Variants in PCNX3 observed in about 807,000 individuals in gnomAD.
PCNX3 encodes pecanex-like protein 3.
PCNX3 carries 58 observed loss-of-function variants against 207.2 expected under a neutral mutation model. The observed-to-expected ratio is 0.28, with a 90% confidence interval of 0.23 to 0.35. PCNX3 has a LOEUF of 0.35. Among genes scored for constraint, PCNX3 ranks in the 10% least tolerant of loss-of-function variants. The pLI, the probability that PCNX3 is intolerant of heterozygous loss-of-function variation, is 1.00. For missense variants in PCNX3, 2,410 were observed against 2,774.4 expected (o/e 0.87, Z 2.95); for synonymous variants, 1,337 against 1,183.5 (o/e 1.13, Z -2.66).
At position 65,624,280 on chromosome 11, in the gene PCNX3, C is replaced by T. The variant is rs1004254166; in HGVS notation, c.2630C>T (p.Ser877Leu). Residue 877 changes from serine to leucine, a missense_variant, in exon 14 of 35, where the codon TCA becomes TTA. This residue lies in a region of PCNX3 where 177 missense variants were observed against 257.5 expected (regional missense o/e 0.69). Coordinates refer to ENST00000355703, the MANE Select transcript of PCNX3 (RefSeq NM_032223.4). ...ATCTGGCTGCTGGACGCCCTGGGCT[C>T]AGCTCAGCCCTTCCCACCTGTCTCC... ...LLIWLLDALG[S>L]AQPFPPVSLY... 1.3e-6 allele frequency: 2 copies of T among 1,594,962 alleles called. No homozygotes were observed. The highest frequency in any genetic ancestry group is 1.7e-6 in the Non-Finnish European group (2 of 1,170,454).
chr11:65,632,618 C>G (rs950747843), intron 27 of PCNX3, among the ~76,000 whole-genome samples: 4 of 138,508 alleles, frequency 2.9e-5, no homozygotes, highest in African/African-American at 8.0e-5. Context: ...GGTATTGCCC[C>G]CCGTCTTCAT....
Position 65,620,855 on chromosome 11 carries a change from C to T in PCNX3, c.2124C>T (p.Ser708=), listed in dbSNP as rs375543649. Residue 708 remains serine (S), a synonymous_variant, in exon 10 of 35, where the codon AGC becomes AGT. Coordinates refer to ENST00000355703, the MANE Select transcript of PCNX3 (RefSeq NM_032223.4). ...GAWDRHSHSS[S]FHSADVPEAT... is the part of the protein sequence containing the mutation. ...GGGACCGACACTCGCATTCCTCCAG[C>T]TTCCACTCGGCTGATGTCCCTGAGG... The T allele has an allele frequency of 5.0e-6, 8 of 1,592,456 alleles. No homozygotes were observed. The highest frequency in any genetic ancestry group is 1.3e-5 in the African/African-American group (1 of 74,282).
At chr11:65,634,758 G>T in intron 29 of PCNX3, 117 bp downstream of exon 29, 1 of 1,196,794 alleles carries the variant, frequency 8.4e-7, no homozygotes, top group Non-Finnish European at 1.2e-6. Context: ...CTTCCTGTTG[G>T]GGTACCTCTT....
chr11:65,625,810 C>T lies in PCNX3; in HGVS notation c.3228+66C>T, dbSNP rs1590888206. 21 of 1,595,458 alleles carry T rather than the reference C, an allele frequency of 1.3e-5. No homozygotes were observed. The highest frequency in any genetic ancestry group is 1.1e-4 in the East Asian group (5 of 44,558). ...GCGGGAGCCTGCTCAATCTGAGTGC[C>T]GTGGGCAGCCCCTCCCCGGCCTGTG... On this transcript the variant is annotated intron_variant, in intron 19 of 34. Coordinates refer to ENST00000355703, the MANE Select transcript of PCNX3 (RefSeq NM_032223.4). The surrounding 1 kb of genome is among the most constrained non-coding windows in gnomAD (Gnocchi z 5.6).
In PCNX3 at chr11:65,622,261, A is replaced by G. The variant is rs1855146995; in HGVS notation, c.2252A>G (p.Glu751Gly). 6.2e-7 allele frequency: 1 copy of G among 1,603,578 alleles called. No individual in the cohort carries two copies. Among genetic ancestry groups the G allele is most frequent in the Non-Finnish European group, 8.5e-7 (1 of 1,175,592 alleles). Residue 751 changes from glutamate to glycine, a missense_variant, in exon 11 of 35, where the codon GAA becomes GGA. Transcript: ENST00000355703. ...LEIPEEQTLM[E>G]EAPPRAQHSY... ...GAATCCCAGGAGCAGACACTGATGGAAGAAGCGCCACCCCGGGCCCAGCAT... is the reference window on the plus strand; with the variant it reads ...GAATCCCAGGAGCAGACACTGATGGGAGAAGCGCCACCCCGGGCCCAGCAT...
chr11:65,627,647 G>A lies in PCNX3; in HGVS notation c.3702+65G>A, dbSNP rs1225751525. The A allele has an allele frequency of 3.2e-6, 5 of 1,558,244 alleles. No homozygotes were observed. In the East Asian group the frequency reaches 6.7e-5, roughly 21 times the overall value. ...TGGGAGCAGAGCCAACTTCTGCCTG[G>A]GTGGGAAGAGAATTTCCTGAGGGCC... On this transcript the variant is annotated intron_variant, in intron 22 of 34. Transcript: ENST00000355703.
chr11:65,629,215 C>T (rs1855521861), intron 24 of PCNX3, 142 bp from the exon 25 acceptor site: 1 of 985,666 alleles, frequency 1.0e-6, no homozygotes, highest in Non-Finnish European at 1.5e-6. Flanking sequence ...CCTTCATGTA[C>T]CTGAGCCTCA....
rs867602607 is a variant in PCNX3 at position 65,636,856 on chromosome 11, C to T, written c.5983C>T (p.Pro1995Ser). 3 of 1,551,248 alleles carry T rather than the reference C, an allele frequency of 1.9e-6. No individual in the cohort carries two copies. In the African/African-American group the frequency reaches 4.1e-5, roughly 21 times the overall value. The change falls in exon 35 of 35, where the codon CCT becomes TCT. Residue 1995 changes from proline to serine, a missense_variant. Coordinates refer to ENST00000355703, the MANE Select transcript of PCNX3 (RefSeq NM_032223.4). ...ASPPRASQDI[P>S]CLDSSAPESG... ...ACCCCCCAGAGCTTCCCAGGACATT[C>T]CTTGCTTGGACAGCAGTGCCCCTGA...
chr11:65,634,094 C>A, intron 27 of PCNX3, 32 bp from the exon 28 acceptor site: 1 of 1,582,160 alleles, frequency 6.3e-7, no homozygotes, highest in Non-Finnish European at 8.6e-7. Context: ...AGGGCCGGGA[C>A]CCCGGCCTGA....
In PCNX3 at chr11:65,636,232, T is replaced by G. The variant is rs1305828612; in HGVS notation, c.5518T>G (p.Cys1840Gly). The change falls in exon 33 of 35, where the codon TGT (cysteine) becomes GGT (glycine). Residue 1840 changes from cysteine (C) to glycine (G), a missense_variant. By Grantham distance (159) the Cys-to-Gly change is radical. Coordinates refer to ENST00000355703, the MANE Select transcript of PCNX3 (RefSeq NM_032223.4). ...NSGGNVDDSD[C>G]SGGGGLTSLS... ...TGGCGGGAACGTGGATGATTCAGAC[T>G]GTAGTGGGGGCGGTGGCCTGACCTC... 6.3e-7 allele frequency: 1 copy of G among 1,583,190 alleles called. No homozygotes were observed. Among genetic ancestry groups the G allele is most frequent in the African/African-American group, 1.3e-5 (1 of 74,112 alleles).
rs1359533811 is a variant in PCNX3 at position 65,625,344 on chromosome 11, C to CCCGT, written c.3030-60_3030-57dup. 2 of 1,592,052 alleles carry CCCGT rather than the reference C, an allele frequency of 1.3e-6. No individual in the cohort carries two copies. Among genetic ancestry groups the CCCGT allele is most frequent in the African/African-American group, 2.7e-5 (2 of 74,756 alleles). ...TAGGGGTTTGTGGTCTGTGCATGTG[C>CCCGT]CCGTGACTGGGGCCGGGGGGAAGGA... is the stretch of plus-strand genomic sequence containing the variant. On this transcript the variant is annotated intron_variant, in intron 17 of 34. Coordinates refer to ENST00000355703, the MANE Select transcript of PCNX3 (RefSeq NM_032223.4). The surrounding 1 kb of genome is among the most constrained non-coding windows in gnomAD (Gnocchi z 5.6).
intron 27 of PCNX3, among the ~76,000 whole-genome samples, chr11:65,630,810 G>A (rs1426394040): frequency 6.6e-6 from 1 of 152,220 alleles, no homozygotes; most frequent in African/African-American, 2.4e-5. Flanking sequence ...TCTGATAGGT[G>A]CCCAGGCAAG....
At chr11:65,616,521 G>C (rs868289592) in intron 1 of PCNX3, 57 bp downstream of exon 1, 1 of 1,543,238 alleles carries the variant, frequency 6.5e-7, no homozygotes. Flanking sequence ...AGCCTGGCAG[G>C]GATTCAGGGC....
rs781741314 is a variant in PCNX3, at chr11:65,623,526, G to C, written c.2393G>C (p.Gly798Ala). Residue 798 changes from glycine to alanine, a missense_variant, in exon 12 of 35, where the codon GGC becomes GCC. Physicochemically the swap from Gly to Ala is moderately conservative, Grantham distance 60. Around this residue, in one of 8 missense-constraint regions of PCNX3, gnomAD observed 177 missense variants for 257.5 expected, o/e 0.69. Coordinates refer to ENST00000355703, the MANE Select transcript of PCNX3 (RefSeq NM_032223.4). ...GTGCTGGAGAACATCTTCGGCGTGG[G>C]CCTGAGCAGCCTTGTGGCCTTCCTG... ...RGVLENIFGV[G>A]LSSLVAFLGY... The C allele has an allele frequency of 6.2e-7, 1 of 1,613,560 alleles. No individual in the cohort carries two copies. The highest frequency in any genetic ancestry group is 1.1e-5 in the South Asian group (1 of 91,062).
intron 13 of PCNX3, 85 bp from the exon 14 acceptor site, chr11:65,624,110 C>T: frequency 6.4e-7 from 1 of 1,565,888 alleles, no homozygotes; most frequent in Non-Finnish European, 8.6e-7. Flanking sequence ...GGACCCAGGG[C>T]CAGGCCTGGG....
intron 22 of PCNX3, 43 bp downstream of exon 22, chr11:65,627,625 G>T (rs1251771842): frequency 2.5e-6 from 4 of 1,595,408 alleles, no homozygotes; most frequent in Non-Finnish European, 3.4e-6. Flanking sequence ...TGTCCAATGG[G>T]AGCAGAGCCA....
chr11:65,616,711 A>C, intron 1 of PCNX3, 113 bp from the exon 2 acceptor site: 2 of 1,194,202 alleles, frequency 1.7e-6, no homozygotes, highest in Non-Finnish European at 2.4e-6. Context: ...TTGTGTGGAG[A>C]GGTGATGAAA....
chr11:65,619,198 C>A lies in PCNX3; in HGVS notation c.1705+131C>A. 4 of 840,308 alleles carry A rather than the reference C, an allele frequency of 4.8e-6. No individual in the cohort carries two copies. In the South Asian group the frequency reaches 5.2e-5, roughly 11 times the overall value. The allele number at this position is 840,308 out of a possible 1,614,324, so 52.1% of individuals were successfully genotyped here. The stretch of plus-strand genomic sequence containing the variant: ...GTTGTAGGCAGCAGATGGACGTGGG[C>A]CTGGTGGTGATTGACATTGTCTGCC... On this transcript the variant is annotated intron_variant, in intron 6 of 34. Coordinates refer to ENST00000355703, the MANE Select transcript of PCNX3 (RefSeq NM_032223.4).
At position 65,617,280 on chromosome 11, in the gene PCNX3, G is replaced by T; in HGVS notation, c.372G>T (p.Arg124=). The change falls in exon 3 of 35, where the codon CGG becomes CGT. Residue 124 remains arginine (R), a synonymous_variant. Transcript: ENST00000355703. ...RDPGVEMTVF[R]KVSSTPPVRC... ...CCGGAGTGGAGATGACAGTGTTCCG[G>T]AAAGTCAGTTCCACACCCCCGGTGC... The T allele has an allele frequency of 6.2e-7, 1 of 1,609,984 alleles. No homozygotes were observed.
Sources: allele counts gnomAD v4.1 joint callset (sites outside exome capture counted in the v4.1 genomes callset), GRCh38; gene constraint gnomAD v4.1.1; regional missense constraint gnomAD v4.1.1; non-coding constraint Gnocchi (gnomAD v3.1); transcripts MANE v1.5; gene names NCBI Gene and HGNC (gene_info 2026-07-23, HGNC 2026-07-21).